Variants in DNAH11 observed in about 807,000 individuals in gnomAD.
DNAH11 encodes the protein axonemal beta dynein heavy chain 11.
In DNAH11, 442 loss-of-function variants were observed where a neutral mutation model predicts 526.0. That is an observed-to-expected ratio of 0.84 (90% CI 0.78 to 0.91). The LOEUF (loss-of-function observed/expected upper bound fraction) is 0.91. Among genes scored for constraint, DNAH11 ranks in the 40% least tolerant of loss-of-function variants. The pLI is 0.00. For missense variants in DNAH11, 6,989 were observed against 5,448.7 expected (o/e 1.28, Z -8.90); for synonymous variants, 2,461 against 1,935.9 (o/e 1.27, Z -7.12).
intron 46 of DNAH11, among the ~76,000 whole-genome samples, chr7:21,736,953 G>A (rs2128489466): frequency 6.6e-6 from 1 of 152,324 alleles, no homozygotes; most frequent in Admixed American, 6.5e-5. Flanking sequence ...ATTTATAAAT[G>A]GAAGATTAAG....
At chr7:21,588,299 T>A in intron 10 of DNAH11, 98 bp downstream of exon 10, 1 of 1,429,226 alleles carries the variant, frequency 7.0e-7, no homozygotes, top group Non-Finnish European at 9.4e-7. Flanking sequence ...AGATTAGATA[T>A]AGGCACTACA....
chr7:21,880,971 A>G (rs1324815523), intron 75 of DNAH11, 78 bp downstream of exon 75: 2 of 1,310,770 alleles, frequency 1.5e-6, no homozygotes, highest in Admixed American at 3.0e-5. Context: ...AAAATTGACC[A>G]TAATTTCTCT....
intron 2 of DNAH11, among the ~76,000 whole-genome samples, chr7:21,546,079 A>T (rs1413511531): frequency 6.6e-6 from 1 of 152,192 alleles, no homozygotes; most frequent in Non-Finnish European, 1.5e-5. Flanking sequence ...CCAATTTCTA[A>T]ATCAGACCTC....
At chr7:21,773,000 T>A (rs1298053059) in intron 55 of DNAH11, among the ~76,000 whole-genome samples, 3 of 152,222 alleles carry the variant, frequency 2.0e-5, no homozygotes, top group Non-Finnish European at 2.9e-5. Flanking sequence ...TGTAGCTCAT[T>A]TAATTCATAT....
chr7:21,894,471 C>G (rs987577013), intron 77 of DNAH11, among the ~76,000 whole-genome samples, 152 bp from the exon 78 acceptor site: 3 of 152,212 alleles, frequency 2.0e-5, no homozygotes, highest in African/African-American at 7.2e-5. Flanking sequence ...TGCCCACCTC[C>G]TGGGAGCCGT....
In DNAH11 at chr7:21,736,647, T is replaced by C. The variant is rs568315788; in HGVS notation, c.7645+803T>C. ...ACAGCCAATAGTGATTTTTCCGTCA[T>C]CTTTTTTGTTAATCATTTGGTCTTG... On this transcript the variant is annotated intron_variant, in intron 46 of 81. Transcript: ENST00000409508. Among the ~76,000 whole-genome samples the C allele has an allele frequency of 9.2e-5, 14 of 152,332 alleles. No homozygotes were observed. In the South Asian group the frequency reaches 2.9e-3, roughly 32 times the overall value.
chr7:21,777,248 G>A (rs1328544978), intron 56 of DNAH11, among the ~76,000 whole-genome samples: 1 of 152,098 alleles, frequency 6.6e-6, no homozygotes, highest in Non-Finnish European at 1.5e-5. Context: ...GAGGTATTGG[G>A]TGTATCCATA....
At chr7:21,609,465 C>A (rs1386805247) in intron 20 of DNAH11, among the ~76,000 whole-genome samples, 1 of 152,152 alleles carries the variant, frequency 6.6e-6, no homozygotes, top group Non-Finnish European at 1.5e-5. Flanking sequence ...AGTGATCTGC[C>A]TGCCTCAGCC....
intron 49 of DNAH11, among the ~76,000 whole-genome samples, chr7:21,742,618 T>G (rs1246515631): frequency 1.3e-5 from 2 of 152,184 alleles, no homozygotes; most frequent in African/African-American, 4.8e-5. Context: ...ACCTGAGATT[T>G]GGAGGGGGCA....
chr7:21,755,085 G>C (rs1562527635), intron 54 of DNAH11, among the ~76,000 whole-genome samples: 1 of 152,148 alleles, frequency 6.6e-6, no homozygotes, highest in Non-Finnish European at 1.5e-5. Flanking sequence ...GCTAAATGAT[G>C]TGAAGTTGCC....
At chr7:21,690,637 A>G (rs772460508) in intron 34 of DNAH11, 128 bp from the exon 35 acceptor site, 5 of 669,730 alleles carry the variant, frequency 7.5e-6, no homozygotes, top group Non-Finnish European at 1.3e-5. Context: ...GGGCTTATGA[A>G]TTTTAAAGAA....
At chr7:21,641,076 T>C (rs138631546) in intron 28 of DNAH11, among the ~76,000 whole-genome samples, 3 of 152,298 alleles carry the variant, frequency 2.0e-5, no homozygotes, top group East Asian at 3.9e-4. Flanking sequence ...ACCCCCACTT[T>C]AATCCTCCCA....
chr7:21,658,568 A>C (rs1013892664), intron 29 of DNAH11, among the ~76,000 whole-genome samples: 2 of 152,086 alleles, frequency 1.3e-5, no homozygotes, highest in African/African-American at 4.8e-5. Flanking sequence ...CTGGTGGGTA[A>C]AGTCAGATGA....
At chr7:21,597,184 C>G (rs957147722) in intron 14 of DNAH11, among the ~76,000 whole-genome samples, 1 of 152,016 alleles carries the variant, frequency 6.6e-6, no homozygotes, top group Non-Finnish European at 1.5e-5. Context: ...TCCTTTCGCT[C>G]CCTTTATCCG....
chr7:21,886,328 C>A (rs529696918), intron 76 of DNAH11, among the ~76,000 whole-genome samples: 7 of 152,092 alleles, frequency 4.6e-5, no homozygotes, highest in African/African-American at 1.7e-4. Flanking sequence ...ACCAGGAAAA[C>A]ATAGTGTATT....
chr7:21,796,454 A>G (rs10230246), intron 61 of DNAH11, among the ~76,000 whole-genome samples: 57,571 of 152,094 alleles, frequency 0.38, 11,662 homozygotes, highest in East Asian at 0.8. Context: ...TGAGGGAAGC[A>G]GAATGAAAAC....
intron 30 of DNAH11, among the ~76,000 whole-genome samples, chr7:21,677,484 C>A (rs538468696): frequency 1.3e-5 from 2 of 152,100 alleles, no homozygotes; most frequent in South Asian, 2.1e-4. Context: ...CAGAGTCAAG[C>A]GATTCTCCTG....
Position 21,588,510 on chromosome 7 carries a change from A to T in DNAH11, c.1849-2A>T. On this transcript the variant is annotated splice_acceptor_variant, in intron 10 of 81. Transcript: ENST00000409508. LOFTEE classifies it high-confidence loss of function. ...CCTCTTCACCAAAATATCAACTTGC[A>T]GATTGAATGTGGTCATGTAGTTCTT... 1 of 1,613,100 alleles carries T rather than the reference A, an allele frequency of 6.2e-7. No individual in the cohort carries two copies. Among genetic ancestry groups the T allele is most frequent in the South Asian group, 1.1e-5 (1 of 90,932 alleles).
intron 63 of DNAH11, among the ~76,000 whole-genome samples, chr7:21,814,031 A>G (rs1018672212): frequency 5.9e-5 from 9 of 152,260 alleles, no homozygotes; most frequent in African/African-American, 2.2e-4. Context: ...TACATGGCAT[A>G]GCCTATTGCT....
Sources: gnomAD v4.1 joint callset for allele counts (sites outside exome capture counted in the v4.1 genomes callset) on GRCh38, gnomAD v4.1.1 for gene constraint, MANE v1.5 for transcripts, NCBI Gene and HGNC (gene_info 2026-07-23, HGNC 2026-07-21) for gene names.